The following PRKDC variants were observed in gnomAD, a reference collection of about 807,000 sequenced individuals.
PRKDC encodes the protein protein kinase, DNA-activated, catalytic subunit, also known as DNA-dependent protein kinase catalytic subunit.
A neutral mutation model predicts 486.9 loss-of-function variants in PRKDC; 82 were observed. That is an observed-to-expected ratio of 0.17 (90% CI 0.14 to 0.20). The LOEUF (loss-of-function observed/expected upper bound fraction) is 0.20, where lower values mean the gene tolerates loss of function less well. Among genes scored for constraint, PRKDC ranks in the 10% least tolerant of loss-of-function variants. The pLI, the probability that PRKDC is intolerant of heterozygous loss-of-function variation, is 1.00. For missense variants in PRKDC, 4,504 were observed against 5,038.2 expected, an observed-to-expected ratio of 0.89 and a Z score of 3.21; for synonymous variants, 1,895 against 1,837.0, an observed-to-expected ratio of 1.03 and a Z score of -0.81.
At chr8:47,803,835 C>T (rs542340241) in intron 69 of PRKDC, among the ~76,000 whole-genome samples, 1 of 151,310 alleles carries the variant, frequency 6.6e-6, no homozygotes, top group Non-Finnish European at 1.5e-5. Flanking sequence ...ATAGTCCCAG[C>T]TACTCTGGAC....
intron 24 of PRKDC, among the ~76,000 whole-genome samples, chr8:47,913,526 A>T (rs928341105): frequency 6.6e-6 from 1 of 152,118 alleles, no homozygotes; most frequent in African/African-American, 2.4e-5. Context: ...CCTACCGAGT[A>T]GCTGAGACTA....
In PRKDC at chr8:47,839,224, T is replaced by G; in HGVS notation, c.7477A>C (p.Asn2493His). ...AACTTAAATATTTCCTGGGAGTCAT[T>G]ATCTGTCTCACTTTCTGGATCTCTG... ...NYRDPESETD[N>H]DSQEIFKLAK... Residue 2493 changes from asparagine to histidine, a missense_variant, in exon 56 of 86, where the codon AAT becomes CAT. Coordinates refer to ENST00000314191, the MANE Select transcript of PRKDC (RefSeq NM_006904.7). The G allele has an allele frequency of 2.5e-6, 4 of 1,613,456 alleles. No individual in the cohort carries two copies. The highest frequency in any genetic ancestry group is 3.4e-6 in the Non-Finnish European group (4 of 1,179,520).
intron 10 of PRKDC, chr8:47,939,961 A>AC: frequency 4.3e-6 from 1 of 234,418 alleles, no homozygotes; most frequent in Non-Finnish European, 8.2e-6. Flanking sequence ...AAAAAAAAAA[A>AC]AAAAAAAAAC....
intron 68 of PRKDC, among the ~76,000 whole-genome samples, chr8:47,809,878 GC>G (rs1386571336): frequency 4.6e-5 from 7 of 152,152 alleles, no homozygotes; most frequent in African/African-American, 1.7e-4. Context: ...ACTCTCTTTT[GC>G]CCCTGTGGAG....
Position 47,774,118 on chromosome 8 carries a change from T to A in PRKDC, c.*55A>T. 1 of 1,490,426 alleles carries A rather than the reference T, an allele frequency of 6.7e-7. No homozygotes were observed. The highest frequency in any genetic ancestry group is 9.0e-7 in the Non-Finnish European group (1 of 1,112,816). The allele number at this position is 1,490,426 out of a possible 1,614,324, so 92.3% of individuals were successfully genotyped here. A position where few individuals can be genotyped will look rare whatever the true frequency, so the allele number is the denominator to read the frequency against. On this transcript the variant is annotated 3_prime_UTR_variant, in exon 86 of 86. Transcript: ENST00000314191. ...GCTCATGGAATGCTGCCAACCAAAG[T>A]ATAGTAGATTCTTTAAACAATGTAA...
In PRKDC at chr8:47,778,669, G is replaced by A; in HGVS notation, c.11652-9C>T. ...TCCTCACGAAGGCCCGCCTACAAAA[G>A]AGACACAGCTGTGCGGCTGCTGTGA... On this transcript the variant is annotated splice_polypyrimidine_tract_variant and intron_variant, in intron 82 of 85. Transcript: ENST00000314191. The A allele has an allele frequency of 6.2e-7, 1 of 1,613,452 alleles. No homozygotes were observed. Among genetic ancestry groups the A allele is most frequent in the Non-Finnish European group, 8.5e-7 (1 of 1,179,636 alleles).
chr8:47,872,009 T>C (rs2088964241), intron 40 of PRKDC, among the ~76,000 whole-genome samples: 1 of 152,228 alleles, frequency 6.6e-6, no homozygotes, highest in African/African-American at 2.4e-5. Flanking sequence ...GTAATTGTGG[T>C]ATGTAAACTA....
intron 30 of PRKDC, among the ~76,000 whole-genome samples, chr8:47,894,127 A>G (rs1436820383): frequency 1.3e-5 from 2 of 152,088 alleles, no homozygotes; most frequent in Non-Finnish European, 2.9e-5. Context: ...CTAAAAATAC[A>G]AAAATCAGCC....
intron 54 of PRKDC, among the ~76,000 whole-genome samples, chr8:47,848,831 G>A (rs1413453549): frequency 6.6e-6 from 1 of 152,100 alleles, no homozygotes; most frequent in Non-Finnish European, 1.5e-5. Context: ...CTCTCACCTG[G>A]CAAAATAGGT....
chr8:47,813,354 A>G (rs866405152), intron 68 of PRKDC, among the ~76,000 whole-genome samples: 19 of 152,008 alleles, frequency 1.2e-4, no homozygotes, highest in Admixed American at 5.2e-4. Context: ...CTGACCTCAA[A>G]TGATCCACCC....
chr8:47,828,033 A>C, intron 62 of PRKDC, 135 bp downstream of exon 62: 1 of 740,134 alleles, frequency 1.4e-6, no homozygotes, highest in Non-Finnish European at 2.0e-6. Context: ...GGAAGTGGTA[A>C]CCCAAATAGT....
chr8:47,869,934 C>G (rs1027661697), intron 40 of PRKDC, among the ~76,000 whole-genome samples: 1 of 151,958 alleles, frequency 6.6e-6, no homozygotes, highest in African/African-American at 2.4e-5. Flanking sequence ...TGACCACAGG[C>G]AGAGACTTCT....
intron 7 of PRKDC, among the ~76,000 whole-genome samples, chr8:47,944,793 G>C (rs556700053): frequency 6.6e-6 from 1 of 152,174 alleles, no homozygotes; most frequent in African/African-American, 2.4e-5. Flanking sequence ...GCTTTTCATT[G>C]CAAGGACTGA....
At chr8:47,879,738 C>T in intron 38 of PRKDC, 80 bp from the exon 39 acceptor site, 1 of 1,181,980 alleles carries the variant, frequency 8.5e-7, no homozygotes, top group Non-Finnish European at 1.1e-6. Flanking sequence ...TACTGTAAGA[C>T]ATTGCAAATA....
At chr8:47,941,129 CAAA>C (rs758700972) in intron 10 of PRKDC, among the ~76,000 whole-genome samples, 1 of 67,640 alleles carries the variant, frequency 1.5e-5, no homozygotes. Flanking sequence ...AACTCCATCT[CAAA>C]AAAAAAAAAA....
At chr8:47,876,103 A>G (rs758397184) in intron 40 of PRKDC, among the ~76,000 whole-genome samples, 1 of 152,224 alleles carries the variant, frequency 6.6e-6, no homozygotes, top group African/African-American at 2.4e-5. Flanking sequence ...AGCTAGGATC[A>G]GCAATGGCAG....
chr8:47,775,762 T>C (rs1425938459), intron 85 of PRKDC, among the ~76,000 whole-genome samples: 1 of 151,946 alleles, frequency 6.6e-6, no homozygotes, highest in Non-Finnish European at 1.5e-5. Context: ...TTCAGTGTCA[T>C]ACCTAAAAAA....
chr8:47,828,298 A>G lies in PRKDC; in HGVS notation c.8447T>C (p.Ile2816Thr), dbSNP rs544979397. The change falls in exon 62 of 86, where the codon ATT becomes ACT. Residue 2816 changes from isoleucine (I) to threonine (T), a missense_variant. Coordinates refer to ENST00000314191, the MANE Select transcript of PRKDC (RefSeq NM_006904.7). ...CTTAAATTTATCCATCTCTTTCAAA[A>G]TTCCAGAAAACAAGCTGCTAAAGAG... ...KQLFSSLFSGILKEMDKFKTL... is the reference protein window; with the variant it reads ...KQLFSSLFSGTLKEMDKFKTL... The G allele has an allele frequency of 6.2e-7, 1 of 1,604,426 alleles. No homozygotes were observed. The highest frequency in any genetic ancestry group is 2.2e-5 in the East Asian group (1 of 44,734).
At chr8:47,876,411 C>T (rs1198292731) in intron 40 of PRKDC, among the ~76,000 whole-genome samples, 1 of 152,060 alleles carries the variant, frequency 6.6e-6, no homozygotes, top group Non-Finnish European at 1.5e-5. Flanking sequence ...TCTGTAATCC[C>T]AGCACTTAGG....
Sources: gnomAD v4.1 joint callset for allele counts (sites outside exome capture counted in the v4.1 genomes callset) on GRCh38, gnomAD v4.1.1 for gene constraint, MANE v1.5 for transcripts, NCBI Gene and HGNC (gene_info 2026-07-23, HGNC 2026-07-21) for gene names.